ZMYM4: variants seen among roughly 807,000 people sequenced by gnomAD.
ZMYM4 encodes the protein zinc finger MYM-type containing 4, also known as zinc finger MYM-type protein 4.
In ZMYM4, 31 loss-of-function variants were observed where a neutral mutation model predicts 183.2. The ratio of observed to expected loss-of-function variants is 0.17; its 90% CI spans 0.13 to 0.23. The LOEUF (loss-of-function observed/expected upper bound fraction) is 0.23. ZMYM4 is among the 10% of genes least tolerant of loss of function. The pLI, the probability that ZMYM4 is intolerant of heterozygous loss-of-function variation, is 1.00. For missense variants in ZMYM4, 1,273 were observed against 1,840.3 expected (o/e 0.69, Z 5.64); for synonymous variants, 592 against 631.2 (o/e 0.94, Z 0.93).
At chr1:35,329,712 A>G (rs1194574319) in intron 2 of ZMYM4, among the ~76,000 whole-genome samples, 1 of 152,116 alleles carries the variant, frequency 6.6e-6, no homozygotes, top group African/African-American at 2.4e-5. Context: ...TATCTTTTAA[A>G]AATTCTCCCT....
chr1:35,295,083 C>T (rs1225177453), intron 1 of ZMYM4, among the ~76,000 whole-genome samples: 1 of 152,192 alleles, frequency 6.6e-6, no homozygotes, highest in Non-Finnish European at 1.5e-5. Context: ...TGGAGAAAAT[C>T]TCTGCTCTAT....
chr1:35,334,095 C>T (rs1014762863), intron 2 of ZMYM4, among the ~76,000 whole-genome samples: 3 of 150,304 alleles, frequency 2.0e-5, no homozygotes, highest in Admixed American at 2.0e-4. Flanking sequence ...GTGGGCGGAT[C>T]GCTTGAGCCC....
chr1:35,413,839 C>T (rs1412447074), intron 26 of ZMYM4, 133 bp from the exon 27 acceptor site: 4 of 557,862 alleles, frequency 7.2e-6, no homozygotes, highest in Non-Finnish European at 1.3e-5. Context: ...CTCTAAGGTA[C>T]TGAGAGGTTA....
At chr1:35,369,495 C>A (rs1348135644) in intron 5 of ZMYM4, among the ~76,000 whole-genome samples, 1 of 151,930 alleles carries the variant, frequency 6.6e-6, no homozygotes, top group Non-Finnish European at 1.5e-5. Context: ...TACTAATATA[C>A]AAACGTTCAA....
chr1:35,281,113 T>C (rs566462371), intron 1 of ZMYM4, among the ~76,000 whole-genome samples: 1 of 151,972 alleles, frequency 6.6e-6, no homozygotes, highest in Non-Finnish European at 1.5e-5. Context: ...TGAAACCCTG[T>C]CTCTACTAAA....
intron 23 of ZMYM4, among the ~76,000 whole-genome samples, chr1:35,402,885 A>G (rs1192395618): frequency 6.6e-6 from 1 of 152,114 alleles, no homozygotes; most frequent in East Asian, 1.9e-4. Context: ...TTATTGAACT[A>G]GCTAGTATCT....
chr1:35,412,109 G>C (rs1451741607), intron 26 of ZMYM4, among the ~76,000 whole-genome samples: 1 of 150,998 alleles, frequency 6.6e-6, no homozygotes, highest in Non-Finnish European at 1.5e-5. Context: ...TCGATCTCCT[G>C]ACCTTGTGAT....
At chr1:35,347,960 A>G (rs1178458181) in intron 2 of ZMYM4, among the ~76,000 whole-genome samples, 1 of 152,222 alleles carries the variant, frequency 6.6e-6, no homozygotes, top group Admixed American at 6.5e-5. Flanking sequence ...CAGTTTTAAT[A>G]GACTTTTGAC....
At chr1:35,294,206 CTG>C (rs960776078) in intron 1 of ZMYM4, among the ~76,000 whole-genome samples, 8 of 151,588 alleles carry the variant, frequency 5.3e-5, no homozygotes, top group Admixed American at 3.9e-4. Context: ...TTGAAATTGA[CTG>C]TGGCATATCT....
At position 35,399,074 on chromosome 1, in the gene ZMYM4, C is replaced by G. The variant is rs1644857215; in HGVS notation, c.3433+31C>G. ...TGTACAGTAACCTGTCCACTGAAAG[C>G]TTTTTATTTTAAAAGATCGGTACAA... On this transcript the variant is annotated intron_variant, in intron 22 of 29. Transcript: ENST00000314607. The G allele has an allele frequency of 3.7e-6, 6 of 1,605,358 alleles. No individual in the cohort carries two copies. In the East Asian group the frequency reaches 1.3e-4, roughly 36 times the overall value.
rs777385852 is a variant in ZMYM4, at chr1:35,415,634, G to A, written c.4229G>A (p.Arg1410Gln). 13 of 1,614,070 alleles carry A rather than the reference G, an allele frequency of 8.1e-6. No individual in the cohort carries two copies. Among genetic ancestry groups the A allele is most frequent in the Non-Finnish European group, 1.1e-5 (13 of 1,180,020 alleles). The change falls in exon 28 of 30, where the codon CGG becomes CAG. Residue 1410 changes from arginine (R) to glutamine (Q), a missense_variant. By Grantham distance (43) the Arg-to-Gln change is conservative. Coordinates refer to ENST00000314607, the MANE Select transcript of ZMYM4 (RefSeq NM_005095.3). The part of the protein sequence containing the change: ...LKLSFAHVMR[R>Q]TRTLKYSTKM... ...CTTTCCTTTGCCCATGTGATGAGACGGACCAGGACTCTGAAGTACAGTACC... is the reference window on the plus strand; with the variant it reads ...CTTTCCTTTGCCCATGTGATGAGACAGACCAGGACTCTGAAGTACAGTACC...
intron 1 of ZMYM4, among the ~76,000 whole-genome samples, chr1:35,275,276 C>CT (rs1264320065): frequency 2.6e-5 from 4 of 151,858 alleles, no homozygotes; most frequent in Admixed American, 2.6e-4. Context: ...GAGTCTTGCT[C>CT]TGTCGCCTAG....
In ZMYM4 at chr1:35,414,045, A is replaced by C. The variant is rs1388956650; in HGVS notation, c.4022A>C (p.Lys1341Thr). ...TCCAGATTTATGATTGAACTTACCA[A>C]ACTCTTGAAAATATGGGAACCTACA... Reference protein sequence around the residue: ...PYSRFMIELTKLLKIWEPTIL... With the variant: ...PYSRFMIELTTLLKIWEPTIL... Residue 1341 changes from lysine to threonine, a missense_variant, in exon 27 of 30, where the codon AAA becomes ACA. Physicochemically the swap from Lys to Thr is moderately conservative, Grantham distance 78. Transcript: ENST00000314607. 1 of 1,591,176 alleles carries C rather than the reference A, an allele frequency of 6.3e-7. No homozygotes were observed.
At chr1:35,289,139 T>C (rs1197958929) in intron 1 of ZMYM4, among the ~76,000 whole-genome samples, 1 of 152,212 alleles carries the variant, frequency 6.6e-6, no homozygotes, top group East Asian at 1.9e-4. Context: ...AATATGATAG[T>C]GATTGCAGTA....
chr1:35,328,143 T>C (rs1235113246), intron 2 of ZMYM4, among the ~76,000 whole-genome samples: 1 of 152,210 alleles, frequency 6.6e-6, no homozygotes, highest in Non-Finnish European at 1.5e-5. Flanking sequence ...GGAATCTGTA[T>C]TAAACCTGTA....
At chr1:35,419,342 G>A in intron 29 of ZMYM4, 128 bp from the exon 30 acceptor site, 2 of 976,478 alleles carry the variant, frequency 2.0e-6, no homozygotes, top group South Asian at 1.7e-5. Flanking sequence ...AATAATTGCA[G>A]TTTTTGCCCT....
At chr1:35,355,609 C>A (rs1643794184) in intron 2 of ZMYM4, among the ~76,000 whole-genome samples, 1 of 151,942 alleles carries the variant, frequency 6.6e-6, no homozygotes, top group Admixed American at 6.6e-5. Context: ...ATCTTTTTAT[C>A]TTTTTGATTT....
intron 1 of ZMYM4, among the ~76,000 whole-genome samples, chr1:35,269,369 G>A (rs111350667): frequency 0.025 from 3,814 of 151,248 alleles, 66 homozygotes; most frequent in Non-Finnish European, 0.042. Context: ...CCAGGGAGGG[G>A]AGGTGTCAGA....
chr1:35,337,208 C>T (rs548842706), intron 2 of ZMYM4, among the ~76,000 whole-genome samples: 9 of 152,024 alleles, frequency 5.9e-5, no homozygotes, highest in Admixed American at 3.9e-4. Context: ...AAAAAAAATA[C>T]GAAATTAGCT....
Sources: allele counts gnomAD v4.1 joint callset (sites outside exome capture counted in the v4.1 genomes callset), GRCh38; gene constraint gnomAD v4.1.1; transcripts MANE v1.5; gene names NCBI Gene and HGNC (gene_info 2026-07-23, HGNC 2026-07-21).